IL36B: variants seen among roughly 807,000 people sequenced by gnomAD.
IL36B encodes interleukin-36 beta.
IL36B carries 23 observed loss-of-function variants against 19.3 expected under a neutral mutation model. The observed-to-expected ratio is 1.19, with a 90% CI of 0.86 to 1.69. The LOEUF (loss-of-function observed/expected upper bound fraction) is 1.69, where lower values mean the gene tolerates loss of function less well. IL36B is among the 40% of genes most tolerant of loss of function. IL36B has a pLI of 0.00. For missense variants in IL36B, 217 were observed against 200.5 expected, an observed-to-expected ratio of 1.08 and a Z score of -0.50; for synonymous variants, 59 against 59.7, an observed-to-expected ratio of 0.99 and a Z score of 0.05.
chr2:113,029,148 G>A (rs1474552273), intron 3 of IL36B, 70 bp from the exon 4 acceptor site: 3 of 1,490,982 alleles, frequency 2.0e-6, no homozygotes, highest in Non-Finnish European at 2.7e-6. Context: ...ACTCCCCCCA[G>A]GTAGGGAATA....
intron 1 of IL36B, among the ~76,000 whole-genome samples, chr2:113,039,350 C>A (rs1000119218): frequency 5.9e-5 from 9 of 152,202 alleles, no homozygotes; most frequent in African/African-American, 2.2e-4. Flanking sequence ...TGGCCACTAT[C>A]CCACCCCTGC....
chr2:113,039,665 A>G (rs549828034), intron 1 of IL36B, among the ~76,000 whole-genome samples: 50 of 152,236 alleles, frequency 3.3e-4, no homozygotes, highest in Non-Finnish European at 6.3e-4. Flanking sequence ...GGTATCAGGA[A>G]AAAAAGCAAA....
intron 1 of IL36B, among the ~76,000 whole-genome samples, chr2:113,034,473 T>C (rs60078854): frequency 0.45 from 68,599 of 151,908 alleles, 15,884 homozygotes; most frequent in East Asian, 0.69. Context: ...TTTTGGAAAA[T>C]GTATTTATCC....
chr2:113,037,177 G>A (rs1018233298), intron 1 of IL36B, among the ~76,000 whole-genome samples: 1 of 152,176 alleles, frequency 6.6e-6, no homozygotes, highest in Non-Finnish European at 1.5e-5. Flanking sequence ...GGCTCTCAAC[G>A]TCCACGAGGC....
At chr2:113,025,557 A>G (rs1365173993) in intron 5 of IL36B, among the ~76,000 whole-genome samples, 1 of 152,202 alleles carries the variant, frequency 6.6e-6, no homozygotes, top group East Asian at 1.9e-4. Flanking sequence ...ATGGGCCAAG[A>G]CAAGGAGAAG....
At chr2:113,032,893 C>T (rs1186036736) in intron 1 of IL36B, among the ~76,000 whole-genome samples, 2 of 152,180 alleles carry the variant, frequency 1.3e-5, no homozygotes, top group African/African-American at 4.8e-5. Flanking sequence ...CTGGTCTGTG[C>T]TTCCTGATTA....
chr2:113,032,135 G>GTC (rs779638852), intron 1 of IL36B, among the ~76,000 whole-genome samples: 1 of 90,644 alleles, frequency 1.1e-5, no homozygotes, highest in African/African-American at 4.2e-5. Context: ...GTGTGTGTCT[G>GTC]TGTGTGTGTG....
In IL36B at chr2:113,031,286, G is replaced by T. The variant is rs1375201267; in HGVS notation, c.14-131C>A. 4 of 674,114 alleles carry T rather than the reference G, an allele frequency of 5.9e-6. No individual in the cohort carries two copies. The highest frequency in any genetic ancestry group is 1.1e-5 in the Non-Finnish European group (4 of 372,978). 41.8% of individuals were successfully genotyped at this position (674,114 alleles called of 1,614,324 possible). On this transcript the variant is annotated intron_variant, in intron 2 of 5. Coordinates refer to ENST00000259213, the MANE Select transcript of IL36B (RefSeq NM_014438.5). ...TGCTCTGAGAAGTAGTGGCTATAAC[G>T]ATAAATGGAGGGGAAATAGGGCAGG...
intron 5 of IL36B, among the ~76,000 whole-genome samples, chr2:113,023,028 A>G (rs966818994): frequency 5.3e-5 from 8 of 152,170 alleles, no homozygotes; most frequent in African/African-American, 1.9e-4. Flanking sequence ...GCCCCAGAAG[A>G]CTAAGAGGCA....
intron 4 of IL36B, 91 bp from the exon 5 acceptor site, chr2:113,028,206 C>T (rs1685001139): frequency 8.9e-6 from 9 of 1,011,016 alleles, no homozygotes; most frequent in Non-Finnish European, 1.1e-5. Context: ...AGAGGGACTG[C>T]TGCCCCCAAA....
chr2:113,032,122 CGTGTGTGTGTCT>C (rs1263885380), intron 1 of IL36B, among the ~76,000 whole-genome samples: 4 of 115,854 alleles, frequency 3.5e-5, no homozygotes, highest in African/African-American at 1.4e-4. Context: ...AGACAGAGTG[CGTGTGTGTGTCT>C]GTGTGTGTGT....
intron 1 of IL36B, among the ~76,000 whole-genome samples, chr2:113,038,672 A>C (rs540152247): frequency 6.6e-6 from 1 of 152,288 alleles, no homozygotes; most frequent in South Asian, 2.1e-4. Flanking sequence ...AATAGTAATG[A>C]CTTCAAGCCT....
chr2:113,052,327 T>G (rs1685462799), intron 1 of IL36B, among the ~76,000 whole-genome samples: 1 of 152,194 alleles, frequency 6.6e-6, no homozygotes, highest in Non-Finnish European at 1.5e-5. Context: ...AGCTCTGCCT[T>G]CTATTCCAAA....
chr2:113,033,006 G>A (rs115290684), intron 1 of IL36B, among the ~76,000 whole-genome samples: 260 of 152,262 alleles, frequency 1.7e-3, no homozygotes, highest in Middle Eastern at 0.01. Context: ...TGGAGGCAGA[G>A]GTGTGTCTCC....
chr2:113,050,223 T>C (rs1419778176), intron 1 of IL36B, among the ~76,000 whole-genome samples: 1 of 152,008 alleles, frequency 6.6e-6, no homozygotes, highest in African/African-American at 2.4e-5. Context: ...CATCGACAGA[T>C]GAACGAATAA....
intron 1 of IL36B, among the ~76,000 whole-genome samples, chr2:113,046,585 T>A (rs565737456): frequency 1.3e-5 from 2 of 152,332 alleles, no homozygotes; most frequent in Admixed American, 1.3e-4. Flanking sequence ...CATGTCTCCT[T>A]AGACTCCTCT....
At chr2:113,031,996 G>T (rs962483370) in intron 1 of IL36B, among the ~76,000 whole-genome samples, 1 of 152,132 alleles carries the variant, frequency 6.6e-6, no homozygotes, top group Non-Finnish European at 1.5e-5. Context: ...TCTCTAGGCT[G>T]TGATGGTCTT....
intron 1 of IL36B, among the ~76,000 whole-genome samples, chr2:113,037,934 A>G (rs1198796163): frequency 6.6e-6 from 1 of 152,178 alleles, no homozygotes; most frequent in Non-Finnish European, 1.5e-5. Flanking sequence ...CTAAATTTGC[A>G]TAGATAATTT....
chr2:113,023,911 G>A (rs548618590), intron 5 of IL36B, among the ~76,000 whole-genome samples: 16 of 152,146 alleles, frequency 1.1e-4, no homozygotes, highest in Admixed American at 8.5e-4. Flanking sequence ...TAAACTTATT[G>A]ACCTAAGTGA....
Sources: allele counts gnomAD v4.1 joint callset (sites outside exome capture counted in the v4.1 genomes callset), GRCh38; gene constraint gnomAD v4.1.1; transcripts MANE v1.5; gene names NCBI Gene and HGNC (gene_info 2026-07-23, HGNC 2026-07-21).